Variants in DPP10 observed in about 807,000 individuals in gnomAD.
DPP10 encodes inactive dipeptidyl peptidase 10.
A neutral mutation model predicts 120.9 loss-of-function variants in DPP10; 33 were observed. That is an observed-to-expected ratio of 0.27 (90% CI 0.21 to 0.37). The LOEUF (loss-of-function observed/expected upper bound fraction) is 0.37. DPP10 is among the 10% of genes least tolerant of loss of function. The pLI, the probability that DPP10 is intolerant of heterozygous loss-of-function variation, is 1.00. For missense variants in DPP10, 816 were observed against 942.8 expected (o/e 0.87, Z 1.76); for synonymous variants, 337 against 326.1 (o/e 1.03, Z -0.36).
intron 11 of DPP10, among the ~76,000 whole-genome samples, chr2:115,759,810 A>G (rs1324802521): frequency 6.6e-6 from 1 of 152,130 alleles, no homozygotes; most frequent in African/African-American, 2.4e-5. Flanking sequence ...CAGGAGTTCG[A>G]GACCAGCCTG....
intron 3 of DPP10, among the ~76,000 whole-genome samples, chr2:115,410,307 G>T (rs1303569525): frequency 6.6e-6 from 1 of 152,156 alleles, no homozygotes; most frequent in Non-Finnish European, 1.5e-5. Context: ...CCCATAAAAA[G>T]GAATGAGATC....
chr2:115,609,999 G>A (rs2083982908), intron 5 of DPP10, among the ~76,000 whole-genome samples: 1 of 152,142 alleles, frequency 6.6e-6, no homozygotes, highest in African/African-American at 2.4e-5. Flanking sequence ...CAAACGTTTT[G>A]TAGCTTAAAA....
intron 7 of DPP10, among the ~76,000 whole-genome samples, chr2:115,707,663 A>G (rs1007617265): frequency 6.6e-6 from 1 of 151,886 alleles, no homozygotes; most frequent in African/African-American, 2.4e-5. Flanking sequence ...AATTATTATT[A>G]TGGGACTAGT....
At chr2:115,637,099 TA>T (rs2086398969) in intron 5 of DPP10, among the ~76,000 whole-genome samples, 1 of 151,746 alleles carries the variant, frequency 6.6e-6, no homozygotes, top group Non-Finnish European at 1.5e-5. Context: ...AAATACTCAG[TA>T]AAATAAATGT....
At chr2:115,518,304 CAATT>C (rs1272014969) in intron 4 of DPP10, among the ~76,000 whole-genome samples, 1 of 152,062 alleles carries the variant, frequency 6.6e-6, no homozygotes, top group Non-Finnish European at 1.5e-5. Context: ...AAATCTGGCA[CAATT>C]AAATATCTTT....
At chr2:114,886,223 A>G (rs1692057512) in intron 1 of DPP10, among the ~76,000 whole-genome samples, 1 of 152,182 alleles carries the variant, frequency 6.6e-6, no homozygotes, top group Admixed American at 6.5e-5. Context: ...AAGTAGATGA[A>G]TATGTCTCTG....
chr2:115,274,450 T>A (rs947405548), intron 1 of DPP10, among the ~76,000 whole-genome samples: 6 of 152,136 alleles, frequency 3.9e-5, no homozygotes, highest in Admixed American at 2.6e-4. Context: ...CTATTTTTTT[T>A]TAATATTTTC....
intron 1 of DPP10, among the ~76,000 whole-genome samples, chr2:114,950,356 G>A (rs574721861): frequency 1.4e-5 from 2 of 145,292 alleles, no homozygotes; most frequent in African/African-American, 2.6e-5. Flanking sequence ...GTGCAGTGGC[G>A]CGATCTTGGC....
chr2:115,655,935 G>T (rs1290796066), intron 5 of DPP10, among the ~76,000 whole-genome samples: 2 of 151,544 alleles, frequency 1.3e-5, no homozygotes, highest in Non-Finnish European at 3.0e-5. Flanking sequence ...TAGTAGATAA[G>T]AATAGAATGA....
intron 1 of DPP10, among the ~76,000 whole-genome samples, chr2:115,266,277 G>A (rs1248341054): frequency 6.6e-6 from 1 of 152,102 alleles, no homozygotes; most frequent in Non-Finnish European, 1.5e-5. Context: ...TCATGCAATG[G>A]AGATTTTCTT....
chr2:115,083,957 C>G (rs769046236), intron 1 of DPP10, among the ~76,000 whole-genome samples: 6 of 152,172 alleles, frequency 3.9e-5, no homozygotes, highest in Non-Finnish European at 8.8e-5. Flanking sequence ...GGAAGAGGAT[C>G]TAGTTCTATC....
intron 1 of DPP10, among the ~76,000 whole-genome samples, chr2:114,488,608 C>T (rs184022153): frequency 3.9e-5 from 6 of 152,246 alleles, no homozygotes; most frequent in Admixed American, 3.3e-4. Flanking sequence ...AATCTCTGAG[C>T]GGTGGCAGAG....
At chr2:115,773,593 A>G (rs774102162) in intron 13 of DPP10, among the ~76,000 whole-genome samples, 2 of 152,102 alleles carry the variant, frequency 1.3e-5, no homozygotes, top group African/African-American at 2.4e-5. Flanking sequence ...CAGTATTTCT[A>G]TTCTACCAAG....
chr2:114,477,892 C>CATATGTGTATATATGTACAT (rs1411297860), intron 1 of DPP10, among the ~76,000 whole-genome samples: 74 of 114,040 alleles, frequency 6.5e-4, no homozygotes, highest in African/African-American at 1.7e-3. Flanking sequence ...TATATATGTA[C>CATATGTGTATATATGTACAT]ATATGTGTAT....
intron 5 of DPP10, among the ~76,000 whole-genome samples, chr2:115,565,769 G>GTTTTTTTTTT: frequency 7.3e-6 from 1 of 136,232 alleles, no homozygotes; most frequent in Non-Finnish European, 1.5e-5. Context: ...TGTTTGTTTT[G>GTTTTTTTTTT]TTTTTTTTTG....
chr2:115,735,784 C>T (rs776608685), intron 8 of DPP10, among the ~76,000 whole-genome samples: 2 of 149,754 alleles, frequency 1.3e-5, no homozygotes, highest in South Asian at 2.1e-4. Context: ...CCGCCCACCT[C>T]GGCCTCCCAA....
At chr2:115,003,192 A>AAG (rs3063504) in intron 1 of DPP10, among the ~76,000 whole-genome samples, 2 of 151,148 alleles carry the variant, frequency 1.3e-5, no homozygotes, top group African/African-American at 2.4e-5. Context: ...AAAAAAAAAA[A>AAG]CAATGAAATC....
intron 7 of DPP10, among the ~76,000 whole-genome samples, chr2:115,705,445 C>T (rs12991458): frequency 0.63 from 96,302 of 151,710 alleles, 32,667 homozygotes; most frequent in East Asian, 0.91. Flanking sequence ...GTGCCAAGCA[C>T]GTTCTGGGCT....
intron 1 of DPP10, among the ~76,000 whole-genome samples, chr2:115,269,742 T>C (rs1162531301): frequency 6.6e-6 from 1 of 152,138 alleles, no homozygotes; most frequent in East Asian, 1.9e-4. Context: ...CCACTTTCTA[T>C]TGGTTTGTAG....
Sources: gnomAD v4.1 joint callset for allele counts (sites outside exome capture counted in the v4.1 genomes callset) on GRCh38, gnomAD v4.1.1 for gene constraint, MANE v1.5 for transcripts, NCBI Gene and HGNC (gene_info 2026-07-23, HGNC 2026-07-21) for gene names.